Variants in GRXCR1 observed in about 807,000 individuals in gnomAD.
GRXCR1 encodes glutaredoxin and cysteine rich domain containing 1.
GRXCR1 carries 27 observed loss-of-function variants against 27.3 expected under a neutral mutation model. That is an observed-to-expected ratio of 0.99 (90% confidence interval 0.73 to 1.37). The LOEUF (loss-of-function observed/expected upper bound fraction) is 1.37, where lower values mean the gene tolerates loss of function less well. GRXCR1 is among the 40% of genes most tolerant of loss of function. The pLI is 0.00. For synonymous variants in GRXCR1, 122 were observed against 131.1 expected (o/e 0.93, Z 0.47); for missense variants, 379 against 354.4 (o/e 1.07, Z -0.56).
intron 2 of GRXCR1, among the ~76,000 whole-genome samples, chr4:42,993,473 T>A (rs143106471): frequency 6.6e-6 from 1 of 152,242 alleles, no homozygotes; most frequent in East Asian, 1.9e-4. Context: ...GGTAAACTCA[T>A]CATAAGTGTA....
At chr4:43,009,295 G>C (rs6857537) in intron 2 of GRXCR1, among the ~76,000 whole-genome samples, 3,186 of 152,226 alleles carry the variant, frequency 0.021, 112 homozygotes, top group African/African-American at 0.073. Context: ...AATCTTTCTA[G>C]ACAAGGTTAT....
intron 1 of GRXCR1, among the ~76,000 whole-genome samples, chr4:42,934,018 C>A (rs1747396625): frequency 6.6e-6 from 1 of 151,948 alleles, no homozygotes; most frequent in Middle Eastern, 3.4e-3. Context: ...AAACTTGGTC[C>A]ATGTTCCAGA....
At chr4:42,951,965 C>G (rs1043078437) in intron 1 of GRXCR1, among the ~76,000 whole-genome samples, 6 of 152,214 alleles carry the variant, frequency 3.9e-5, no homozygotes, top group African/African-American at 1.4e-4. Context: ...TGGATAATTC[C>G]TGAGGAAATA....
chr4:42,978,752 C>A (rs1236799156), intron 2 of GRXCR1, among the ~76,000 whole-genome samples: 4 of 152,012 alleles, frequency 2.6e-5, no homozygotes, highest in African/African-American at 2.4e-5. Flanking sequence ...CAAACAGAGA[C>A]AATGACATGG....
At chr4:43,003,096 G>T (rs905029899) in intron 2 of GRXCR1, among the ~76,000 whole-genome samples, 13 of 152,136 alleles carry the variant, frequency 8.5e-5, no homozygotes, top group African/African-American at 3.1e-4. Flanking sequence ...CTTCTGTCAT[G>T]ATTGTAAGTT....
intron 1 of GRXCR1, among the ~76,000 whole-genome samples, chr4:42,941,220 A>G (rs1336397994): frequency 6.6e-6 from 1 of 152,028 alleles, no homozygotes; most frequent in Non-Finnish European, 1.5e-5. Flanking sequence ...AGCCTGGCAT[A>G]CAGTATGCCC....
At chr4:42,920,965 A>G (rs941718976) in intron 1 of GRXCR1, among the ~76,000 whole-genome samples, 1 of 152,070 alleles carries the variant, frequency 6.6e-6, no homozygotes, top group Non-Finnish European at 1.5e-5. Flanking sequence ...CTATTACAGA[A>G]AACAAATTCC....
chr4:43,023,945 G>A (rs111404560), intron 3 of GRXCR1, among the ~76,000 whole-genome samples: 4,597 of 152,080 alleles, frequency 0.03, 74 homozygotes, highest in African/African-American at 0.036. Context: ...GAGAAGCAAC[G>A]AAGTGTCTAA....
At chr4:43,007,168 A>G (rs1386286993) in intron 2 of GRXCR1, among the ~76,000 whole-genome samples, 1 of 152,220 alleles carries the variant, frequency 6.6e-6, no homozygotes, top group Admixed American at 6.5e-5. Flanking sequence ...TTACTTGAGG[A>G]TCTGAGACTT....
At chr4:42,963,587 A>C (rs762361215) in intron 2 of GRXCR1, among the ~76,000 whole-genome samples, 4 of 151,962 alleles carry the variant, frequency 2.6e-5, no homozygotes, top group Non-Finnish European at 5.9e-5. Flanking sequence ...CTGGAGCCAG[A>C]ATTTTATCTG....
intron 2 of GRXCR1, among the ~76,000 whole-genome samples, chr4:43,006,207 T>C (rs1339049080): frequency 6.6e-6 from 1 of 152,170 alleles, no homozygotes; most frequent in Non-Finnish European, 1.5e-5. Flanking sequence ...CTGTAATAAT[T>C]GCATTAACTG....
At chr4:42,925,767 A>T (rs1747143547) in intron 1 of GRXCR1, among the ~76,000 whole-genome samples, 1 of 151,958 alleles carries the variant, frequency 6.6e-6, no homozygotes, top group African/African-American at 2.4e-5. Flanking sequence ...TTACTCTGAT[A>T]GGGGCAGAAT....
At chr4:43,017,458 T>C (rs780797598) in intron 2 of GRXCR1, among the ~76,000 whole-genome samples, 14 of 152,218 alleles carry the variant, frequency 9.2e-5, no homozygotes, top group South Asian at 2.1e-4. Context: ...CTTTAAACTT[T>C]AGTTTTTTTA....
intron 2 of GRXCR1, among the ~76,000 whole-genome samples, chr4:42,972,687 T>G (rs1420829432): frequency 6.6e-6 from 1 of 152,130 alleles, no homozygotes; most frequent in Non-Finnish European, 1.5e-5. Flanking sequence ...AAACCCAAAT[T>G]TTATACTTGA....
chr4:42,899,506 G>A (rs1746418984), intron 1 of GRXCR1, among the ~76,000 whole-genome samples: 1 of 151,976 alleles, frequency 6.6e-6, no homozygotes, highest in Admixed American at 6.6e-5. Context: ...GCATTCCTCA[G>A]GCCAATGCTT....
chr4:43,005,766 T>C (rs958195339), intron 2 of GRXCR1, among the ~76,000 whole-genome samples: 1 of 152,192 alleles, frequency 6.6e-6, no homozygotes, highest in Non-Finnish European at 1.5e-5. Context: ...GTGTTCAATC[T>C]TGAGAATTCT....
chr4:42,973,954 A>C (rs1560670731), intron 2 of GRXCR1, among the ~76,000 whole-genome samples: 1 of 152,176 alleles, frequency 6.6e-6, no homozygotes. Context: ...TGTGCATACA[A>C]CAAAGCACAA....
chr4:42,920,143 G>A (rs1171612038), intron 1 of GRXCR1, among the ~76,000 whole-genome samples: 1 of 152,058 alleles, frequency 6.6e-6, no homozygotes, highest in Non-Finnish European at 1.5e-5. Flanking sequence ...GTTTATTGAA[G>A]GACAATAGAC....
At position 43,030,429 on chromosome 4, in the gene GRXCR1, T is replaced by C. The variant is rs759486376; in HGVS notation, c.762T>C (p.His254=). The change falls in exon 4 of 4, where the codon CAT becomes CAC. Residue 254 remains histidine (H), a synonymous_variant. Transcript: ENST00000399770. The stretch of plus-strand genomic sequence containing the variant: ...GCTTTCTTCCATGCTCCGTGTGCCA[T>C]GGGAGCAAGATGTCCATGTTTCGAA... ...GFGFLPCSVC[H]GSKMSMFRNC... 1.9e-6 allele frequency: 3 copies of C among 1,613,910 alleles called. No homozygotes were observed. The highest frequency in any genetic ancestry group is 1.7e-5 in the Admixed American group (1 of 60,020).
Sources: allele counts gnomAD v4.1 joint callset (sites outside exome capture counted in the v4.1 genomes callset), GRCh38; gene constraint gnomAD v4.1.1; transcripts MANE v1.5; gene names NCBI Gene and HGNC (gene_info 2026-07-23, HGNC 2026-07-21).